The following PELI1 variants were observed in gnomAD, a reference collection of about 807,000 sequenced individuals.
PELI1 encodes the protein pellino E3 ubiquitin protein ligase 1, also known as E3 ubiquitin-protein ligase pellino homolog 1.
A neutral mutation model predicts 41.3 loss-of-function variants in PELI1; 15 were observed. That is an observed-to-expected ratio of 0.36 (90% CI 0.24 to 0.56). The LOEUF (loss-of-function observed/expected upper bound fraction) is 0.56, where lower values mean the gene tolerates loss of function less well. Among genes scored for constraint, PELI1 ranks in the 20% least tolerant of loss-of-function variants. The probability of loss-of-function intolerance (pLI) is 0.82; values close to 1 mark genes in which losing one functional copy is unlikely to be tolerated. For synonymous variants in PELI1, 178 were observed against 180.1 expected, an observed-to-expected ratio of 0.99 and a Z score of 0.09; for missense variants, 403 against 525.5, an observed-to-expected ratio of 0.77 and a Z score of 2.28.
At chr2:64,115,078 G>A (rs1202179934) in intron 1 of PELI1, among the ~76,000 whole-genome samples, 1 of 152,140 alleles carries the variant, frequency 6.6e-6, no homozygotes, top group East Asian at 1.9e-4. Context: ...GAATTGATAG[G>A]GGCTGAGAGT....
At chr2:64,129,926 C>T (rs966795701) in intron 1 of PELI1, among the ~76,000 whole-genome samples, 1 of 152,198 alleles carries the variant, frequency 6.6e-6, no homozygotes. Flanking sequence ...ATGCAAATCA[C>T]TGATTACCTC....
Position 64,093,415 on chromosome 2 carries a change from A to ACTGT in PELI1, c.*1283_*1286dup, listed in dbSNP as rs1488049289. 1 of 152,684 alleles carries ACTGT rather than the reference A, an allele frequency of 6.5e-6. No homozygotes were observed. Among genetic ancestry groups the ACTGT allele is most frequent in the Non-Finnish European group, 1.5e-5 (1 of 68,042 alleles). The allele number at this position is 152,684 out of a possible 1,614,324, so 9.5% of individuals were successfully genotyped here. A position where few individuals can be genotyped will look rare whatever the true frequency, so the allele number is the denominator to read the frequency against. Reference sequence around the variant, plus strand: ...TCAAAAAAAGATTTGATGTAGTGCAACTGTCTATACTTGTGGTGCCTTTGA... The same window carrying ACTGT: ...TCAAAAAAAGATTTGATGTAGTGCAACTGTCTGTCTATACTTGTGGTGCCTTTGA... On this transcript the variant is annotated 3_prime_UTR_variant, in exon 7 of 7. Transcript: ENST00000358912.
chr2:64,097,111 G>A (rs189939025), intron 4 of PELI1, among the ~76,000 whole-genome samples: 351 of 152,274 alleles, frequency 2.3e-3, no homozygotes, highest in Non-Finnish European at 3.7e-3. Flanking sequence ...AGGTATACAA[G>A]GCTGCTGGTC....
intron 1 of PELI1, among the ~76,000 whole-genome samples, chr2:64,134,924 G>A (rs1329877684): frequency 6.6e-6 from 1 of 152,138 alleles, no homozygotes; most frequent in Non-Finnish European, 1.5e-5. Context: ...GCACTACAAT[G>A]AGTTACTAGA....
chr2:64,119,168 A>C (rs1416341959), intron 1 of PELI1, among the ~76,000 whole-genome samples: 1 of 152,184 alleles, frequency 6.6e-6, no homozygotes, highest in Non-Finnish European at 1.5e-5. Flanking sequence ...AAAGCCTTGG[A>C]GCTTGAGATT....
intron 1 of PELI1, among the ~76,000 whole-genome samples, chr2:64,119,950 T>C (rs1164800962): frequency 6.6e-6 from 1 of 152,206 alleles, no homozygotes; most frequent in Non-Finnish European, 1.5e-5. Context: ...GAAGCCCCTT[T>C]AGCACTATTA....
Position 64,095,079 on chromosome 2 carries a change from T to C in PELI1, c.880A>G (p.Met294Val), listed in dbSNP as rs1300469619. Residue 294 changes from methionine to valine, a missense_variant, in exon 7 of 7, where the codon ATG becomes GTG. Transcript: ENST00000358912. ...TCATCTACAACGTCTTTCCTCTTCATACTAGGAAATGCTAGTGTGTTGAAC... is the reference window on the plus strand; with the variant it reads ...TCATCTACAACGTCTTTCCTCTTCACACTAGGAAATGCTAGTGTGTTGAAC... ...VGFNTLAFPS[M>V]KRKDVVDEKQ... 2 of 1,614,050 alleles carry C rather than the reference T, an allele frequency of 1.2e-6. No homozygotes were observed. The highest frequency in any genetic ancestry group is 1.3e-5 in the African/African-American group (1 of 75,056).
At chr2:64,100,610 C>G in intron 3 of PELI1, 111 bp from the exon 4 acceptor site, 1 of 700,940 alleles carries the variant, frequency 1.4e-6, no homozygotes, top group South Asian at 1.6e-5. Context: ...CATATTTATA[C>G]ATTTTCCCCC....
At chr2:64,108,042 A>T (rs1334841481) in intron 2 of PELI1, among the ~76,000 whole-genome samples, 198 bp downstream of exon 2, 2 of 152,192 alleles carry the variant, frequency 1.3e-5, no homozygotes, top group African/African-American at 4.8e-5. Flanking sequence ...AGCTTATGTC[A>T]TATTTGAGTG....
In PELI1 at chr2:64,094,637, A is replaced by C. The variant is rs377384515; in HGVS notation, c.*65T>G. On this transcript the variant is annotated 3_prime_UTR_variant, in exon 7 of 7. Transcript: ENST00000358912. ...GCAGAAAAACTGTGACGTGGACAAC[A>C]GGTTCGAAAACCCAACTCACTTAGC... 7 of 1,117,136 alleles carry C rather than the reference A, an allele frequency of 6.3e-6. No individual in the cohort carries two copies. The highest frequency in any genetic ancestry group is 5.9e-5 in the South Asian group (4 of 68,366). 69.2% of individuals were successfully genotyped at this position (1,117,136 alleles called of 1,614,324 possible).
Position 64,096,185 on chromosome 2 carries a change from C to G in PELI1, c.630G>C (p.Ser210=). ...GTAGGCTAAATACATTTCCACACAC[C>G]GATATTTCTCTCCATATTCCAGGCT... ...DSKPGIWREI[S]VCGNVFSLRE... is the part of the protein sequence containing the mutation. The change falls in exon 6 of 7, where the codon TCG becomes TCC. Residue 210 remains serine (S), a synonymous_variant. Coordinates refer to ENST00000358912, the MANE Select transcript of PELI1 (RefSeq NM_020651.4). 17 of 1,614,018 alleles carry G rather than the reference C, an allele frequency of 1.1e-5. No individual in the cohort carries two copies. The highest frequency in any genetic ancestry group is 1.4e-5 in the Non-Finnish European group (16 of 1,179,934).
rs114274578 is a variant in PELI1 at position 64,112,194 on chromosome 2, G to A, written c.-69-3815C>T. Among the ~76,000 whole-genome samples, 1,410 of 152,214 alleles carry A rather than the reference G, an allele frequency of 9.3e-3. 24 individuals are homozygous for A. Among genetic ancestry groups the A allele is most frequent in the African/African-American group, 0.031 (1,301 of 41,534 alleles). ...CAAACATCTGAAAGTGTAAATGCCC[G>A]TATTTGGCTGACATTAGTATATCAC... On this transcript the variant is annotated intron_variant, in intron 1 of 6. Coordinates refer to ENST00000358912, the MANE Select transcript of PELI1 (RefSeq NM_020651.4).
chr2:64,127,695 A>G (rs1036378347), intron 1 of PELI1, among the ~76,000 whole-genome samples: 1 of 152,080 alleles, frequency 6.6e-6, no homozygotes, highest in Non-Finnish European at 1.5e-5. Flanking sequence ...TGACAATTGC[A>G]ATTTTGCTAA....
intron 4 of PELI1, among the ~76,000 whole-genome samples, chr2:64,098,122 T>C (rs1009153648): frequency 2.0e-5 from 3 of 152,164 alleles, no homozygotes; most frequent in African/African-American, 7.2e-5. Context: ...GAAGCAATAT[T>C]TGTAATGACA....
intron 1 of PELI1, among the ~76,000 whole-genome samples, chr2:64,137,139 T>C (rs148967692): frequency 1.4e-4 from 22 of 152,320 alleles, no homozygotes; most frequent in African/African-American, 5.1e-4. Context: ...TCCATATTTA[T>C]TGAGGTTTTT....
chr2:64,116,623 T>TA (rs1165998619), intron 1 of PELI1, among the ~76,000 whole-genome samples: 1 of 152,204 alleles, frequency 6.6e-6, no homozygotes, highest in Non-Finnish European at 1.5e-5. Context: ...CCTTATGAGA[T>TA]AGGAACTATT....
At chr2:64,122,273 T>C (rs1461983315) in intron 1 of PELI1, among the ~76,000 whole-genome samples, 3 of 148,754 alleles carry the variant, frequency 2.0e-5, no homozygotes, top group Admixed American at 6.8e-5. Context: ...TCCTCTACGA[T>C]GTCTGAACCT....
In PELI1 at chr2:64,104,814, G is replaced by T. The variant is rs766593448; in HGVS notation, c.88C>A (p.Pro30Thr). The change falls in exon 3 of 7, where the codon CCA (proline) becomes ACA (threonine). Residue 30 changes from proline to threonine, a missense_variant. Pro to Thr is a conservative substitution (Grantham distance 38). Transcript: ENST00000358912. The stretch of plus-strand genomic sequence containing the variant: ...TTCCTCCTTCCTCTATCGCCATTTG[G>T]GAGAGACCCATTATACCTGATGGGG... ...LIVLGYNGSL[P>T]NGDRGRRKSR... 21 of 1,612,822 alleles carry T rather than the reference G, an allele frequency of 1.3e-5. No homozygotes were observed. The highest frequency in any genetic ancestry group is 5.3e-5 in the African/African-American group (4 of 74,824).
At chr2:64,119,471 T>C (rs900193217) in intron 1 of PELI1, among the ~76,000 whole-genome samples, 1 of 152,188 alleles carries the variant, frequency 6.6e-6, no homozygotes, top group African/African-American at 2.4e-5. Context: ...CCAGTTACAG[T>C]TGGAACCACA....
Sources: allele counts gnomAD v4.1 joint callset (sites outside exome capture counted in the v4.1 genomes callset), GRCh38; gene constraint gnomAD v4.1.1; transcripts MANE v1.5; gene names NCBI Gene and HGNC (gene_info 2026-07-23, HGNC 2026-07-21).